The following RYR3 variants were observed in gnomAD, a reference collection of about 807,000 sequenced individuals.
RYR3 encodes the protein ryanodine receptor 3.
Under a neutral mutation model 584.3 loss-of-function variants are expected in RYR3, and 207 were observed. The ratio of observed to expected loss-of-function variants is 0.35; its 90% CI spans 0.32 to 0.40. The LOEUF (loss-of-function observed/expected upper bound fraction) is 0.40. RYR3 is among the 10% of genes least tolerant of loss of function. The pLI, the probability that RYR3 is intolerant of heterozygous loss-of-function variation, is 1.00. For missense variants in RYR3, 5,616 were observed against 6,089.2 expected (o/e 0.92, Z 2.59); for synonymous variants, 2,416 against 2,248.5 (o/e 1.07, Z -2.11).
In RYR3 at chr15:33,631,149, G is replaced by C. The variant is rs184350867; in HGVS notation, c.2784-61G>C. 15 of 1,023,918 alleles carry C rather than the reference G, an allele frequency of 1.5e-5. No individual in the cohort carries two copies. In the East Asian group the frequency reaches 1.8e-4, roughly 13 times the overall value. 63.4% of individuals were successfully genotyped at this position (1,023,918 alleles called of 1,614,324 possible). ...CTGTTTTCAACTCGGATGTGAATTAGGGTTCCTGCTGTTCCTAACACTGCA... is the reference window on the plus strand; with the variant it reads ...CTGTTTTCAACTCGGATGTGAATTACGGTTCCTGCTGTTCCTAACACTGCA... On this transcript the variant is annotated intron_variant, in intron 22 of 103. Coordinates refer to ENST00000634891, the MANE Select transcript of RYR3 (RefSeq NM_001036.6).
chr15:33,497,888 G>T (rs1440697175), intron 2 of RYR3, among the ~76,000 whole-genome samples: 1 of 151,932 alleles, frequency 6.6e-6, no homozygotes, highest in Non-Finnish European at 1.5e-5. Context: ...CCAGCCTCTA[G>T]TAACCACCAT....
chr15:33,659,680 C>A (rs1489739186), intron 32 of RYR3, 40 bp from the exon 33 acceptor site: 1 of 1,360,926 alleles, frequency 7.3e-7, no homozygotes, highest in Non-Finnish European at 1.1e-6. Flanking sequence ...TGTTGTTTGT[C>A]CAGCTCTGGG....
chr15:33,710,400 G>GTGGTGCAA (rs2067022948), intron 43 of RYR3, among the ~76,000 whole-genome samples: 1 of 148,144 alleles, frequency 6.8e-6, no homozygotes, highest in Non-Finnish European at 1.5e-5. Context: ...CTGGAGTGCA[G>GTGGTGCAA]TGGTGCAATC....
At chr15:33,453,057 ACTAGGGTTTTTTTC>A (rs138014121) in intron 1 of RYR3, among the ~76,000 whole-genome samples, 4 of 69,266 alleles carry the variant, frequency 5.8e-5, no homozygotes, top group East Asian at 4.8e-4. Context: ...TGCACTTGAA[ACTAGGGTTTTTTTC>A]CTTAGGGGCA....
At chr15:33,753,029 G>A (rs2071471789) in intron 57 of RYR3, among the ~76,000 whole-genome samples, 1 of 152,152 alleles carries the variant, frequency 6.6e-6, no homozygotes, top group Non-Finnish European at 1.5e-5. Flanking sequence ...AGATAATCAT[G>A]TGGTTTTTGT....
At chr15:33,634,861 T>A in intron 25 of RYR3, 128 bp downstream of exon 25, 1 of 740,390 alleles carries the variant, frequency 1.4e-6, no homozygotes, top group Non-Finnish European at 2.2e-6. Flanking sequence ...AGCACTAGAC[T>A]AAATGGTGTG....
At chr15:33,806,933 T>TTTC (rs2076243676) in intron 69 of RYR3, among the ~76,000 whole-genome samples, 1 of 151,654 alleles carries the variant, frequency 6.6e-6, no homozygotes, top group Non-Finnish European at 1.5e-5. Flanking sequence ...TTTTTTTTTT[T>TTTC]TTGTAAAGAC....
At chr15:33,806,722 C>A (rs568287437) in intron 69 of RYR3, among the ~76,000 whole-genome samples, 1 of 151,490 alleles carries the variant, frequency 6.6e-6, no homozygotes, top group African/African-American at 2.4e-5. Context: ...TTTGGATATT[C>A]CTAGAGTACT....
Position 33,858,020 on chromosome 15 carries a change from G to T in RYR3, c.14142+106G>T, listed in dbSNP as rs1367600377. On this transcript the variant is annotated intron_variant, in intron 99 of 103. Transcript: ENST00000634891. Reference sequence around the variant, plus strand: ...TGTGGGGGTGCTCTTGAGAACTGTAGAGTTAGTTACAGAGCACAGCAGAGA... The same window carrying T: ...TGTGGGGGTGCTCTTGAGAACTGTATAGTTAGTTACAGAGCACAGCAGAGA... The T allele has an allele frequency of 1.4e-5, 20 of 1,429,416 alleles. No homozygotes were observed. The South Asian group carries it at 1.4e-4, about 10-fold the overall frequency. 88.5% of individuals were successfully genotyped at this position (1,429,416 alleles called of 1,614,324 possible).
intron 86 of RYR3, among the ~76,000 whole-genome samples, chr15:33,832,491 CT>C: frequency 6.6e-6 from 1 of 151,624 alleles, no homozygotes; most frequent in Non-Finnish European, 1.5e-5. Flanking sequence ...CCCGTCTCTA[CT>C]AAAAAATACA....
At chr15:33,765,632 CAAAAAAAAAA>C (rs761552773) in intron 60 of RYR3, among the ~76,000 whole-genome samples, 4 of 60,954 alleles carry the variant, frequency 6.6e-5, no homozygotes, top group Admixed American at 4.4e-4. Flanking sequence ...GACTCCGTCT[CAAAAAAAAAA>C]AAAAAAAAAA....
Position 33,596,149 on chromosome 15 carries a change from A to C in RYR3, c.1789-5270A>C, listed in dbSNP as rs548374264. ...TTCCTGGTTCCTTTTACCTTGTTGT[A>C]TACATAACCTTTAAGTTTTGAATTA... is the stretch of plus-strand genomic sequence containing the variant. On this transcript the variant is annotated intron_variant, in intron 16 of 103. Coordinates refer to ENST00000634891, the MANE Select transcript of RYR3 (RefSeq NM_001036.6). Among the ~76,000 whole-genome samples the C allele has an allele frequency of 7.8e-4, 117 of 149,794 alleles. 1 individual carries two copies. The highest frequency in any genetic ancestry group is 2.8e-3 in the African/African-American group (113 of 40,942).
chr15:33,755,293 A>T, intron 58 of RYR3, 113 bp downstream of exon 58: 1 of 712,538 alleles, frequency 1.4e-6, no homozygotes. Context: ...TTAGGGGGAA[A>T]ACAGTGGCTG....
At chr15:33,614,488 G>T (rs993399683) in intron 19 of RYR3, among the ~76,000 whole-genome samples, 1 of 151,982 alleles carries the variant, frequency 6.6e-6, no homozygotes, top group African/African-American at 2.4e-5. Flanking sequence ...TTGCTGATTT[G>T]GAAAAATTGT....
At chr15:33,357,694 A>C (rs1427340019) in intron 1 of RYR3, among the ~76,000 whole-genome samples, 1 of 152,168 alleles carries the variant, frequency 6.6e-6, no homozygotes, top group African/African-American at 2.4e-5. Flanking sequence ...ACTTGCTTTC[A>C]CTTAAAAAAA....
chr15:33,764,237 C>G (rs1388583092), intron 60 of RYR3, among the ~76,000 whole-genome samples: 1 of 152,156 alleles, frequency 6.6e-6, no homozygotes, highest in Admixed American at 6.5e-5. Flanking sequence ...CCATGGAATC[C>G]TATGCAGCCA....
At chr15:33,675,406 C>T (rs751377260) in intron 38 of RYR3, among the ~76,000 whole-genome samples, 4 of 152,246 alleles carry the variant, frequency 2.6e-5, no homozygotes, top group Admixed American at 6.5e-5. Context: ...CTGAATTCAA[C>T]GCCCATCCTT....
chr15:33,755,981 C>A lies in RYR3; in HGVS notation c.8516-325C>A, dbSNP rs139156281. On this transcript the variant is annotated intron_variant, in intron 58 of 103. Coordinates refer to ENST00000634891, the MANE Select transcript of RYR3 (RefSeq NM_001036.6). Reference sequence around the variant, plus strand: ...TAGAGATGGGGTTTCACCATGTTGTCCAGGCTGGTGTCGAACTCCTGACCT... The same window carrying A: ...TAGAGATGGGGTTTCACCATGTTGTACAGGCTGGTGTCGAACTCCTGACCT... Among the ~76,000 whole-genome samples, 307 of 152,272 alleles carry A rather than the reference C, an allele frequency of 2.0e-3. 3 individuals are homozygous for A. The highest frequency in any genetic ancestry group is 7.0e-3 in the African/African-American group (291 of 41,546).
At chr15:33,618,314 G>T (rs1566794258) in intron 19 of RYR3, among the ~76,000 whole-genome samples, 1 of 152,144 alleles carries the variant, frequency 6.6e-6, no homozygotes. Flanking sequence ...TGTATTTGTG[G>T]TTGCTGTTTG....
Sources: allele counts gnomAD v4.1 joint callset (sites outside exome capture counted in the v4.1 genomes callset), GRCh38; gene constraint gnomAD v4.1.1; transcripts MANE v1.5; gene names NCBI Gene and HGNC (gene_info 2026-07-23, HGNC 2026-07-21).